The following COQ8A variants were observed in gnomAD, a reference collection of about 807,000 sequenced individuals.
COQ8A encodes the protein coenzyme Q8A.
Under a neutral mutation model 65.0 loss-of-function variants are expected in COQ8A, and 51 were observed. The ratio of observed to expected loss-of-function variants is 0.78; its 90% CI spans 0.63 to 0.99. COQ8A has a LOEUF of 0.99. Among genes scored for constraint, COQ8A ranks in the 50% least tolerant of loss-of-function variants. The pLI, the probability that COQ8A is intolerant of heterozygous loss-of-function variation, is 0.00. For synonymous variants in COQ8A, 371 were observed against 353.2 expected, an observed-to-expected ratio of 1.05 and a Z score of -0.57; for missense variants, 940 against 875.0, an observed-to-expected ratio of 1.07 and a Z score of -0.94.
intron 1 of COQ8A, among the ~76,000 whole-genome samples, chr1:226,958,984 T>C (rs1320008838): frequency 6.6e-6 from 1 of 152,224 alleles, no homozygotes; most frequent in Middle Eastern, 3.2e-3. Context: ...TGAGGGCTTT[T>C]ATTTCTTTAA....
chr1:226,982,405 T>C (rs1251749735), intron 6 of COQ8A: 1 of 643,520 alleles, frequency 1.6e-6, no homozygotes, highest in Non-Finnish European at 2.7e-6. Context: ...CATTTTACTA[T>C]GTTTTATTTT....
In COQ8A at chr1:226,955,201, G is replaced by T. The variant is rs1192641839; in HGVS notation, c.-9-6176G>T. Reference sequence around the variant, plus strand: ...AGGGTGGGAGCCCTGGGAGGATGAGGTGTGGGTGGTAAGGTCAGTTTGGGA... The same window carrying T: ...AGGGTGGGAGCCCTGGGAGGATGAGTTGTGGGTGGTAAGGTCAGTTTGGGA... On this transcript the variant is annotated intron_variant, in intron 1 of 14. Transcript: ENST00000366777. Among the ~76,000 whole-genome samples, 3 of 152,170 alleles carry T rather than the reference G, an allele frequency of 2.0e-5. No individual in the cohort carries two copies. In the East Asian group the frequency reaches 5.8e-4, roughly 29 times the overall value.
chr1:226,972,068 G>A lies in COQ8A; in HGVS notation c.656-5381G>A, dbSNP rs1658939916. The stretch of plus-strand genomic sequence containing the variant: ...TTTATCCTTCAGTCTTGCAGGTTTA[G>A]AGGAGATGACTTATCTCCTCTGTAC... On this transcript the variant is annotated intron_variant, in intron 4 of 14. Coordinates refer to ENST00000366777, the MANE Select transcript of COQ8A (RefSeq NM_020247.5). This position sits in a 1 kb window ranked among gnomAD's most constrained non-coding sequence, Gnocchi z 4.3. 6.6e-6 allele frequency among the ~76,000 whole-genome samples: 1 copy of A among 152,012 alleles called. No individual in the cohort carries two copies. The highest frequency in any genetic ancestry group is 6.6e-5 in the Admixed American group (1 of 15,262).
intron 1 of COQ8A, among the ~76,000 whole-genome samples, chr1:226,957,240 A>C (rs1572032641): frequency 6.5e-5 from 5 of 76,578 alleles, no homozygotes; most frequent in African/African-American, 2.1e-4. Context: ...CCTAGTTCAC[A>C]CTCTCCCTGG....
At chr1:226,965,865 C>A in intron 4 of COQ8A, 128 bp downstream of exon 4, 1 of 966,980 alleles carries the variant, frequency 1.0e-6, no homozygotes, top group Non-Finnish European at 1.6e-6. Flanking sequence ...GCGGTGGCCG[C>A]CCCTGCATGA....
rs1660010724 is a variant in COQ8A, at chr1:226,985,182, A to T, written c.1573-72A>T. 29 of 1,538,614 alleles carry T rather than the reference A, an allele frequency of 1.9e-5. No homozygotes were observed. The South Asian group carries it at 2.3e-4, about 12-fold the overall frequency. On this transcript the variant is annotated intron_variant, in intron 13 of 14. Transcript: ENST00000366777. ...AGGGTGGGGTGGGCTCGGGTGTGGC[A>T]CTTGGCTCCCTGGGATGTCGGGAGC... is the stretch of plus-strand genomic sequence containing the variant.
At chr1:226,952,643 T>A (rs999714448) in intron 1 of COQ8A, among the ~76,000 whole-genome samples, 37 of 152,186 alleles carry the variant, frequency 2.4e-4, no homozygotes, top group African/African-American at 8.9e-4. Context: ...AACTCCTGGC[T>A]TCAAGCAATC....
chr1:226,953,791 C>A (rs1282232294), intron 1 of COQ8A, among the ~76,000 whole-genome samples: 3 of 152,158 alleles, frequency 2.0e-5, no homozygotes, highest in African/African-American at 7.2e-5. Flanking sequence ...CCGGGAGTTG[C>A]CCGAGATGTT....
intron 4 of COQ8A, among the ~76,000 whole-genome samples, chr1:226,967,355 T>C (rs1448931718): frequency 6.6e-6 from 1 of 152,222 alleles, no homozygotes; most frequent in African/African-American, 2.4e-5. Flanking sequence ...CCTCTTCCTT[T>C]CACTCTAGAC....
At chr1:226,970,386 T>A (rs1458740575) in intron 4 of COQ8A, among the ~76,000 whole-genome samples, 1 of 152,398 alleles carries the variant, frequency 6.6e-6, no homozygotes, top group East Asian at 1.9e-4. Flanking sequence ...CTGTATGGCA[T>A]AGCCTGTTGC....
Position 226,964,493 on chromosome 1 carries a change from C to G in COQ8A, c.178-507C>G, listed in dbSNP as rs370399605. Among the ~76,000 whole-genome samples, 3 of 152,332 alleles carry G rather than the reference C, an allele frequency of 2.0e-5. No individual in the cohort carries two copies. The East Asian group carries it at 5.8e-4, about 29-fold the overall frequency. ...CCTGGTCCTGGTTGTAACCACCTCT[C>G]CAGTGAGGATCTCTTACATGCATAC... On this transcript the variant is annotated intron_variant, in intron 2 of 14. Coordinates refer to ENST00000366777, the MANE Select transcript of COQ8A (RefSeq NM_020247.5).
In COQ8A at chr1:226,982,086, G is replaced by A. The variant is rs369473365; in HGVS notation, c.790G>A (p.Val264Met). 2.2e-5 allele frequency: 36 copies of A among 1,612,466 alleles called. No individual in the cohort carries two copies. The highest frequency in any genetic ancestry group is 4.4e-5 in the South Asian group (4 of 91,024). ...GTCCGAGGCCAATGCAGAGCGGATC[G>A]TGCGCACGCTCTGCAAGGTGCGTGG... ...FLSEANAERI[V>M]RTLCKVRGAA... Residue 264 changes from valine (V) to methionine (M), a missense_variant, in exon 6 of 15, where the codon GTG (valine) becomes ATG (methionine). Coordinates refer to ENST00000366777, the MANE Select transcript of COQ8A (RefSeq NM_020247.5).
At chr1:226,968,333 T>A (rs564482380) in intron 4 of COQ8A, among the ~76,000 whole-genome samples, 1 of 152,120 alleles carries the variant, frequency 6.6e-6, no homozygotes, top group Non-Finnish European at 1.5e-5. Flanking sequence ...AGACTCTGTC[T>A]CAAAAAACAA....
chr1:226,964,881 C>T, intron 2 of COQ8A, 119 bp from the exon 3 acceptor site: 1 of 1,210,282 alleles, frequency 8.3e-7, no homozygotes, highest in Non-Finnish European at 1.2e-6. Context: ...ACTGTGCCAC[C>T]TCTGGAGGTG....
At chr1:226,954,282 A>T (rs928104184) in intron 1 of COQ8A, among the ~76,000 whole-genome samples, 2 of 152,270 alleles carry the variant, frequency 1.3e-5, no homozygotes, top group African/African-American at 4.8e-5. Context: ...CCTAAGGGCA[A>T]AGCCAGACTC....
In COQ8A at chr1:226,965,424, G is replaced by C. The variant is rs780996334; in HGVS notation, c.588+14G>C. On this transcript the variant is annotated intron_variant, in intron 3 of 14. Coordinates refer to ENST00000366777, the MANE Select transcript of COQ8A (RefSeq NM_020247.5). Reference sequence around the variant, plus strand: ...CACAAACAGACGGTGCGTATGGGAGGCCCCTGGAGGGCCGAGGTAGCTGCC... The same window carrying C: ...CACAAACAGACGGTGCGTATGGGAGCCCCCTGGAGGGCCGAGGTAGCTGCC... The C allele has an allele frequency of 6.9e-6, 11 of 1,604,112 alleles. No individual in the cohort carries two copies. In the African/African-American group the frequency reaches 1.5e-4, roughly 21 times the overall value.
chr1:226,974,932 C>T (rs1366844324), intron 4 of COQ8A: 1 of 152,534 alleles, frequency 6.6e-6, no homozygotes, highest in Non-Finnish European at 1.5e-5. Flanking sequence ...GGACACACCT[C>T]TGCCTGCAGA....
chr1:226,984,494 AG>A, intron 11 of COQ8A, 53 bp from the exon 12 acceptor site: 1 of 1,478,466 alleles, frequency 6.8e-7, no homozygotes, highest in East Asian at 2.3e-5. Flanking sequence ...CCAGTCTCCC[AG>A]GGCACCAGGC....
In COQ8A at chr1:226,985,311, A is replaced by G. The variant is rs775867326; in HGVS notation, c.1630A>G (p.Met544Val). 3 of 1,613,586 alleles carry G rather than the reference A, an allele frequency of 1.9e-6. No individual in the cohort carries two copies. Among genetic ancestry groups the G allele is most frequent in the Admixed American group, 1.7e-5 (1 of 60,002 alleles). ...GACTGTGCGGGCGAAATCCATAGAG[A>G]TGAAGTTCCTCACCGGCTACGAGGT... ...RETVRAKSIEMKFLTGYEVKV... is the reference protein window; with the variant it reads ...RETVRAKSIEVKFLTGYEVKV... Residue 544 changes from methionine to valine, a missense_variant, in exon 14 of 15, where the codon ATG (methionine) becomes GTG (valine). Physicochemically the swap from Met to Val is conservative, Grantham distance 21 (BLOSUM62 1). Coordinates refer to ENST00000366777, the MANE Select transcript of COQ8A (RefSeq NM_020247.5).
Sources: gnomAD v4.1 joint callset for allele counts (sites outside exome capture counted in the v4.1 genomes callset) on GRCh38, gnomAD v4.1.1 for gene constraint, Gnocchi (gnomAD v3.1) non-coding constraint, MANE v1.5 for transcripts, NCBI Gene and HGNC (gene_info 2026-07-23, HGNC 2026-07-21) for gene names.